CTC1: variants seen among roughly 807,000 people sequenced by gnomAD.
CTC1 encodes CST complex subunit CTC1.
Under a neutral mutation model 136.3 loss-of-function variants are expected in CTC1, and 91 were observed. That is an observed-to-expected ratio of 0.67 (90% CI 0.56 to 0.79). The LOEUF is 0.79. CTC1 is among the 30% of genes least tolerant of loss of function. The pLI, the probability that CTC1 is intolerant of heterozygous loss-of-function variation, is 0.00. For synonymous variants in CTC1, 606 were observed against 613.8 expected (o/e 0.99, Z 0.19); for missense variants, 1,432 against 1,498.1 (o/e 0.96, Z 0.73).
At position 8,225,037 on chromosome 17, in the gene CTC1, CTA is replaced by C. The variant is rs1438718923; in HGVS notation, c.*3141_*3142del. 6.6e-6 allele frequency: 1 copy of C among 152,188 alleles called. No homozygotes were observed. The highest frequency in any genetic ancestry group is 1.5e-5 in the Non-Finnish European group (1 of 68,050). 9.4% of individuals were successfully genotyped at this position (152,188 alleles called of 1,614,324 possible). On this transcript the variant is annotated 3_prime_UTR_variant, in exon 23 of 23. Coordinates refer to ENST00000651323, the MANE Select transcript of CTC1 (RefSeq NM_025099.6). ...CATTTTTAGTAGAGACGAGGTTTCA[CTA>C]TGTTACCAGGTTTCACTATGTTGGC...
intron 17 of CTC1, 40 bp from the exon 18 acceptor site, chr17:8,230,008 A>T: frequency 6.3e-7 from 1 of 1,590,940 alleles, no homozygotes; most frequent in Non-Finnish European, 8.6e-7. Flanking sequence ...CAGGAAGACA[A>T]GGCAAATTGG....
At chr17:8,233,416 G>A (rs1987415173) in intron 10 of CTC1, 1 of 173,758 alleles carries the variant, frequency 5.8e-6, no homozygotes, top group Non-Finnish European at 1.2e-5. Flanking sequence ...CTTGAGCTCA[G>A]GAGGTGGAGA....
rs2151516638 is a variant in CTC1, at chr17:8,234,403, A to G, written c.1818+52T>C. The G allele has an allele frequency of 4.0e-6, 6 of 1,504,758 alleles. No individual in the cohort carries two copies. The South Asian group carries it at 6.0e-5, about 15-fold the overall frequency. The allele number at this position is 1,504,758 out of a possible 1,614,324, so 93.2% of individuals were successfully genotyped here. A position where few individuals can be genotyped will look rare whatever the true frequency, so the allele number is the denominator to read the frequency against. On this transcript the variant is annotated intron_variant, in intron 10 of 22. Transcript: ENST00000651323. The stretch of plus-strand genomic sequence containing the variant: ...AGTAACCGAGACTAGAGTCGTGGCA[A>G]TAAGGATGACAAAAAGGGAAATCAC...
rs1987142319 is a variant in CTC1 at position 8,230,663 on chromosome 17, G to C, written c.2670-12C>G. 1 of 1,611,626 alleles carries C rather than the reference G, an allele frequency of 6.2e-7. No homozygotes were observed. Among genetic ancestry groups the C allele is most frequent in the Non-Finnish European group, 8.5e-7 (1 of 1,177,682 alleles). On this transcript the variant is annotated splice_polypyrimidine_tract_variant and intron_variant, in intron 15 of 22. Transcript: ENST00000651323. ...AGGAATCTGTGAAACTGGAAGGTCA[G>C]GGAAATACACTGAGAATGGAGGCAC... is the stretch of plus-strand genomic sequence containing the variant.
chr17:8,238,740 G>T (rs1192024642), intron 2 of CTC1, 111 bp from the exon 3 acceptor site: 1 of 751,356 alleles, frequency 1.3e-6, no homozygotes. Flanking sequence ...AGGGAACATG[G>T]ACTAAGAGGT....
chr17:8,228,683 A>G (rs1468570068), intron 21 of CTC1, 44 bp downstream of exon 21: 6 of 1,613,886 alleles, frequency 3.7e-6, no homozygotes, highest in Non-Finnish European at 5.1e-6. Flanking sequence ...CCAAAAGCCC[A>G]GGAATTTGGG....
intron 5 of CTC1, among the ~76,000 whole-genome samples, chr17:8,237,040 T>TG (rs1446723318): frequency 6.8e-6 from 1 of 148,008 alleles, no homozygotes; most frequent in Non-Finnish European, 1.5e-5. Context: ...AGTACCAAGT[T>TG]TTTTTTTTTT....
Position 8,232,919 on chromosome 17 carries a change from G to T in CTC1, c.1932C>A (p.Asp644Glu), listed in dbSNP as rs202060362. The change falls in exon 11 of 23, where the codon GAC (aspartate) becomes GAA (glutamate). Residue 644 changes from aspartate (D) to glutamate (E), a missense_variant. By Grantham distance (45) the Asp-to-Glu change is conservative (BLOSUM62 2). Transcript: ENST00000651323. ...TGAACTCCAAACCTATCAGCCGTGG[G>T]TCACTGAGGGGTTGAGAGTGCTTGG... Reference protein sequence around the residue: ...LLAKHSQPLSDPRLIGCLVRA... With the variant: ...LLAKHSQPLSEPRLIGCLVRA... The T allele has an allele frequency of 7.4e-6, 12 of 1,613,928 alleles. No individual in the cohort carries two copies. Among genetic ancestry groups the T allele is most frequent in the Middle Eastern group, 3.3e-4 (2 of 6,082 alleles).
intron 4 of CTC1, 134 bp from the exon 5 acceptor site, chr17:8,237,653 G>A: frequency 3.5e-5 from 4 of 112,718 alleles, no homozygotes; most frequent in East Asian, 1.4e-4. Flanking sequence ...CAGCAGGAGT[G>A]AAACTACGTC....
chr17:8,245,174 A>G (rs1988572829), intron 1 of CTC1, among the ~76,000 whole-genome samples: 1 of 152,204 alleles, frequency 6.6e-6, no homozygotes. Flanking sequence ...GAGATTGGAA[A>G]AAATACCCAT....
chr17:8,237,038 G>GC, intron 5 of CTC1, among the ~76,000 whole-genome samples: 1 of 142,966 alleles, frequency 7.0e-6, no homozygotes, highest in South Asian at 2.2e-4. Context: ...TAAGTACCAA[G>GC]TTTTTTTTTT....
At position 8,232,760 on chromosome 17, in the gene CTC1, G is replaced by A. The variant is rs1567605062; in HGVS notation, c.1945+146C>T. On this transcript the variant is annotated intron_variant, in intron 11 of 22. Coordinates refer to ENST00000651323, the MANE Select transcript of CTC1 (RefSeq NM_025099.6). ...GTCCTCTTGCTCCTGTTCTCTGCCT[G>A]CCATACAAGTCTCCCAGAAGTTGTT... 8 of 1,075,094 alleles carry A rather than the reference G, an allele frequency of 7.4e-6. No homozygotes were observed. The East Asian group carries it at 1.7e-4, about 22-fold the overall frequency. 66.6% of individuals were successfully genotyped at this position (1,075,094 alleles called of 1,614,324 possible). A position where few individuals can be genotyped will look rare whatever the true frequency, so the allele number is the denominator to read the frequency against.
intron 18 of CTC1, 85 bp from the exon 19 acceptor site, chr17:8,229,531 A>T: frequency 8.2e-7 from 1 of 1,213,506 alleles, no homozygotes. Context: ...GTCTAGAAGG[A>T]CTTAGAGGGC....
intron 10 of CTC1, among the ~76,000 whole-genome samples, chr17:8,233,988 T>C (rs2151515470): frequency 6.6e-6 from 1 of 152,312 alleles, no homozygotes; most frequent in Non-Finnish European, 1.5e-5. Context: ...TCACTTTTTT[T>C]TAAACTTCCT....
Position 8,227,155 on chromosome 17 carries a change from C to G in CTC1, c.*1025G>C, listed in dbSNP as rs1471494974. 1 of 152,206 alleles carries G rather than the reference C, an allele frequency of 6.6e-6. No homozygotes were observed. The highest frequency in any genetic ancestry group is 2.4e-5 in the African/African-American group (1 of 41,442). The allele number at this position is 152,206 out of a possible 1,614,324, so 9.4% of individuals were successfully genotyped here. A position where few individuals can be genotyped will look rare whatever the true frequency, so the allele number is the denominator to read the frequency against. The stretch of plus-strand genomic sequence containing the variant: ...CCCAACATATGGGTTTAACCACGCT[C>G]TAAAGGTCTCCCAAACACGAACAAA... On this transcript the variant is annotated 3_prime_UTR_variant, in exon 23 of 23. Transcript: ENST00000651323.
At chr17:8,246,182 G>A (rs1988679437) in intron 1 of CTC1, among the ~76,000 whole-genome samples, 1 of 149,068 alleles carries the variant, frequency 6.7e-6, no homozygotes, top group African/African-American at 2.5e-5. Context: ...ACTCTAGCCT[G>A]GGTGACAGAG....
rs752290297 is a variant in CTC1, at chr17:8,229,228, G to T, written c.3157-22C>A. ...TTCCCTGGGATGAAGACAGTGGTTG[G>T]AAAAGTCCTCTTGGTCCCATCACAT... On this transcript the variant is annotated intron_variant, in intron 19 of 22. Coordinates refer to ENST00000651323, the MANE Select transcript of CTC1 (RefSeq NM_025099.6). 3.1e-6 allele frequency: 5 copies of T among 1,614,040 alleles called. No homozygotes were observed. In the Admixed American group the frequency reaches 8.3e-5, roughly 27 times the overall value.
intron 18 of CTC1, 100 bp from the exon 19 acceptor site, chr17:8,229,546 G>T: frequency 9.9e-7 from 1 of 1,014,202 alleles, no homozygotes; most frequent in Non-Finnish European, 1.5e-6. Context: ...GAGGGCATCA[G>T]GATGGGGACA....
At chr17:8,245,265 C>A (rs942709783) in intron 1 of CTC1, among the ~76,000 whole-genome samples, 6 of 152,104 alleles carry the variant, frequency 3.9e-5, no homozygotes, top group African/African-American at 1.4e-4. Flanking sequence ...ACATAATAAA[C>A]CTGCGCACGT....
Sources: gnomAD v4.1 joint callset for allele counts (sites outside exome capture counted in the v4.1 genomes callset) on GRCh38, gnomAD v4.1.1 for gene constraint, MANE v1.5 for transcripts, NCBI Gene and HGNC (gene_info 2026-07-23, HGNC 2026-07-21) for gene names.